PKHD1: variants seen among roughly 807,000 people sequenced by gnomAD.
PKHD1 encodes the protein fibrocystin.
In PKHD1, 291 loss-of-function variants were observed where a neutral mutation model predicts 412.0. The observed-to-expected ratio is 0.71, with a 90% CI of 0.64 to 0.78. The LOEUF (loss-of-function observed/expected upper bound fraction) is 0.78, where lower values mean the gene tolerates loss of function less well. Ranked by LOEUF, PKHD1 falls within the 30% of genes least tolerant of loss-of-function variation. PKHD1 has a pLI of 0.00. For missense variants in PKHD1, 4,825 were observed against 4,950.7 expected, an observed-to-expected ratio of 0.97 and a Z score of 0.76; for synonymous variants, 1,777 against 1,821.5, an observed-to-expected ratio of 0.98 and a Z score of 0.62.
At chr6:51,708,787 T>G (rs1019810234) in intron 60 of PKHD1, among the ~76,000 whole-genome samples, 2 of 152,156 alleles carry the variant, frequency 1.3e-5, no homozygotes, top group African/African-American at 4.8e-5. Flanking sequence ...AAATCAAATA[T>G]TGACAAACTA....
intron 53 of PKHD1, among the ~76,000 whole-genome samples, chr6:51,777,406 T>A (rs970514950): frequency 6.6e-6 from 1 of 152,014 alleles, no homozygotes; most frequent in Admixed American, 6.6e-5. Flanking sequence ...ATATAGTAGG[T>A]CAATGGGTGA....
chr6:51,680,009 T>C (rs1353435854), intron 60 of PKHD1, among the ~76,000 whole-genome samples: 1 of 152,032 alleles, frequency 6.6e-6, no homozygotes, highest in Non-Finnish European at 1.5e-5. Context: ...CTTGGCCTCA[T>C]TGCATCTCAG....
intron 23 of PKHD1, among the ~76,000 whole-genome samples, chr6:52,047,524 GT>G (rs983788340): frequency 1.3e-5 from 2 of 152,070 alleles, no homozygotes; most frequent in Non-Finnish European, 2.9e-5. Context: ...TCTAATCTTT[GT>G]TCTTTGTGCA....
At chr6:51,990,551 C>G (rs955952900) in intron 35 of PKHD1, among the ~76,000 whole-genome samples, 13 of 152,148 alleles carry the variant, frequency 8.5e-5, no homozygotes, top group African/African-American at 2.7e-4. Flanking sequence ...AAGAATCTTG[C>G]TCTTTGTACC....
At chr6:51,670,648 G>C (rs924123728) in intron 60 of PKHD1, among the ~76,000 whole-genome samples, 2 of 151,972 alleles carry the variant, frequency 1.3e-5, no homozygotes, top group Admixed American at 1.3e-4. Context: ...AGTCTCGATG[G>C]TCTTTACAAT....
chr6:51,677,678 C>A (rs544269771), intron 60 of PKHD1, among the ~76,000 whole-genome samples: 1 of 152,256 alleles, frequency 6.6e-6, no homozygotes, highest in South Asian at 2.1e-4. Flanking sequence ...GCCTTTCTGT[C>A]TCTACAATCA....
chr6:51,827,081 CA>C (rs1288866756), intron 52 of PKHD1, among the ~76,000 whole-genome samples: 1 of 151,970 alleles, frequency 6.6e-6, no homozygotes, highest in Non-Finnish European at 1.5e-5. Context: ...TCTTTTTTAC[CA>C]GTCACTTTCA....
chr6:51,682,439 C>A (rs994433604), intron 60 of PKHD1, among the ~76,000 whole-genome samples: 5 of 152,056 alleles, frequency 3.3e-5, no homozygotes, highest in African/African-American at 1.2e-4. Context: ...ATTTACTTGA[C>A]ATACTGCGCA....
At chr6:51,693,945 C>T (rs901598851) in intron 60 of PKHD1, among the ~76,000 whole-genome samples, 3 of 152,062 alleles carry the variant, frequency 2.0e-5, no homozygotes, top group African/African-American at 7.2e-5. Context: ...AAAGTGAACC[C>T]AGGCAATCTG....
At position 52,022,853 on chromosome 6, in the gene PKHD1, GAC is replaced by G; in HGVS notation, c.5326_5327del (p.Val1776ProfsTer3). On this transcript the variant is annotated frameshift_variant, in exon 33 of 67. Transcript: ENST00000371117. LOFTEE classifies it high-confidence loss of function. ...AGGCAGACACTGTAGCATTAGCCAG[GAC>G]TCGGCAGGGAGCACCACACACAGCA... The part of the protein sequence containing the change: ...SAAVCGAPCR[V>X]LANATVSAFS... The G allele has an allele frequency of 6.2e-7, 1 of 1,614,106 alleles. No individual in the cohort carries two copies. The highest frequency in any genetic ancestry group is 8.5e-7 in the Non-Finnish European group (1 of 1,180,036).
intron 49 of PKHD1, among the ~76,000 whole-genome samples, chr6:51,851,279 T>A (rs1254838531): frequency 6.6e-6 from 1 of 152,210 alleles, no homozygotes; most frequent in Admixed American, 6.5e-5. Context: ...TTTTTTGATG[T>A]GTTGCTGGAT....
intron 6 of PKHD1, among the ~76,000 whole-genome samples, chr6:52,074,253 A>G (rs1010604166): frequency 1.3e-5 from 2 of 152,218 alleles, no homozygotes; most frequent in African/African-American, 2.4e-5. Context: ...GACAAAAAAG[A>G]TGTTCCCTTC....
chr6:51,825,662 C>A (rs531257258), intron 52 of PKHD1, among the ~76,000 whole-genome samples: 36 of 152,178 alleles, frequency 2.4e-4, no homozygotes, highest in African/African-American at 8.2e-4. Flanking sequence ...TAGAACACCT[C>A]GGCCTCGCCT....
intron 60 of PKHD1, among the ~76,000 whole-genome samples, chr6:51,682,903 G>A (rs956007295): frequency 1.3e-5 from 2 of 151,936 alleles, no homozygotes; most frequent in Non-Finnish European, 2.9e-5. Flanking sequence ...CAATATACCT[G>A]GATACTTACC....
intron 3 of PKHD1, 62 bp from the exon 4 acceptor site, chr6:52,082,604 A>T: frequency 6.6e-7 from 1 of 1,523,258 alleles, no homozygotes; most frequent in Non-Finnish European, 9.1e-7. Context: ...GACAGTGTGA[A>T]ACTGTGCTAA....
Position 52,043,642 on chromosome 6 carries a change from G to C in PKHD1, c.2804C>G (p.Ser935Cys). The C allele has an allele frequency of 1.2e-6, 2 of 1,610,888 alleles. No homozygotes were observed. Among genetic ancestry groups the C allele is most frequent in the Non-Finnish European group, 1.7e-6 (2 of 1,177,194 alleles). Residue 935 changes from serine to cysteine, a missense_variant, in exon 26 of 67, where the codon TCT (serine) becomes TGT (cysteine). Ser to Cys is a moderately radical substitution (Grantham distance 112, BLOSUM62 -1). Transcript: ENST00000371117. ...YLQGSTPCVH[S>C]VWYSIDGDIN... is the part of the protein sequence containing the mutation. ...AATCATACCAATGGAGTACCACACA[G>C]AATGGACACAGGGAGTTGACCCTTG...
chr6:51,919,594 A>G lies in PKHD1; in HGVS notation c.6122-7018T>C, dbSNP rs530861272. On this transcript the variant is annotated intron_variant, in intron 37 of 66. Coordinates refer to ENST00000371117, the MANE Select transcript of PKHD1 (RefSeq NM_138694.4). ...TCCAGCTTTGTTCTTTTGGCTTAGGATTGTCTTGGAAATGCAGGCTCTTTT... is the reference window on the plus strand; with the variant it reads ...TCCAGCTTTGTTCTTTTGGCTTAGGGTTGTCTTGGAAATGCAGGCTCTTTT... Among the ~76,000 whole-genome samples, 5 of 152,262 alleles carry G rather than the reference A, an allele frequency of 3.3e-5. No homozygotes were observed. The East Asian group carries it at 7.7e-4, about 23-fold the overall frequency.
chr6:51,645,299 A>T (rs1769942792), intron 63 of PKHD1, among the ~76,000 whole-genome samples: 1 of 152,244 alleles, frequency 6.6e-6, no homozygotes, highest in African/African-American at 2.4e-5. Context: ...ATTGTGCTTA[A>T]AACAAATAAC....
intron 46 of PKHD1, among the ~76,000 whole-genome samples, chr6:51,873,467 A>C (rs1037037067): frequency 1.1e-4 from 17 of 152,148 alleles, no homozygotes; most frequent in Admixed American, 1.0e-3. Flanking sequence ...TAGAGACAGG[A>C]TCTTGCTCTG....
Sources: allele counts gnomAD v4.1 joint callset (sites outside exome capture counted in the v4.1 genomes callset), GRCh38; gene constraint gnomAD v4.1.1; transcripts MANE v1.5; gene names NCBI Gene and HGNC (gene_info 2026-07-23, HGNC 2026-07-21).